The following PIK3AP1 variants were observed in gnomAD, a reference collection of about 807,000 sequenced individuals.
PIK3AP1 encodes the protein phosphoinositide 3-kinase adapter protein 1.
Under a neutral mutation model 88.1 loss-of-function variants are expected in PIK3AP1, and 21 were observed. The ratio of observed to expected loss-of-function variants is 0.24; its 90% CI spans 0.17 to 0.34. PIK3AP1 has a LOEUF of 0.34. Ranked by LOEUF, PIK3AP1 falls within the 10% of genes least tolerant of loss-of-function variation. The probability of loss-of-function intolerance (pLI) is 1.00; values close to 1 mark genes in which losing one functional copy is unlikely to be tolerated. For missense variants in PIK3AP1, 828 were observed against 1,035.7 expected, an observed-to-expected ratio of 0.80 and a Z score of 2.75; for synonymous variants, 398 against 400.0, an observed-to-expected ratio of 1.00 and a Z score of 0.06.
chr10:96,700,348 A>T (rs1052464302), intron 2 of PIK3AP1, among the ~76,000 whole-genome samples: 1 of 152,106 alleles, frequency 6.6e-6, no homozygotes, highest in Non-Finnish European at 1.5e-5. Context: ...ATGGGCACAA[A>T]ATCTATTGTA....
intron 8 of PIK3AP1, among the ~76,000 whole-genome samples, chr10:96,635,267 A>G (rs1371814791): frequency 6.6e-6 from 1 of 152,232 alleles, no homozygotes; most frequent in Non-Finnish European, 1.5e-5. Context: ...ATACTGGGCC[A>G]GTGAAGGAAA....
At chr10:96,624,784 TCTC>T (rs1172549443) in intron 10 of PIK3AP1, among the ~76,000 whole-genome samples, 1 of 152,184 alleles carries the variant, frequency 6.6e-6, no homozygotes, top group Non-Finnish European at 1.5e-5. Context: ...CCTTTTGTCA[TCTC>T]CTGCCTCTCT....
At chr10:96,692,588 G>A (rs968192542) in intron 2 of PIK3AP1, among the ~76,000 whole-genome samples, 1 of 151,240 alleles carries the variant, frequency 6.6e-6, no homozygotes, top group Admixed American at 6.6e-5. Flanking sequence ...AAAAAAGAAA[G>A]AAAGAAAGAA....
intron 1 of PIK3AP1, among the ~76,000 whole-genome samples, chr10:96,712,475 A>G (rs1454501146): frequency 1.3e-5 from 2 of 152,216 alleles, no homozygotes; most frequent in Non-Finnish European, 2.9e-5. Context: ...ATAAATAAAT[A>G]AAAATCTTTG....
chr10:96,617,153 G>C (rs958975998), intron 12 of PIK3AP1, among the ~76,000 whole-genome samples: 1 of 152,144 alleles, frequency 6.6e-6, no homozygotes, highest in Non-Finnish European at 1.5e-5. Flanking sequence ...TCCAGCACTT[G>C]GGCTATGCTG....
At position 96,709,892 on chromosome 10, in the gene PIK3AP1, C is replaced by A; in HGVS notation, c.105G>T (p.Arg35=). 3 of 1,613,650 alleles carry A rather than the reference C, an allele frequency of 1.9e-6. No individual in the cohort carries two copies. Among genetic ancestry groups the A allele is most frequent in the Non-Finnish European group, 2.5e-6 (3 of 1,179,950 alleles). ...TCAGTATCTTCTGGCTGCGGACCTG[C>A]CGACTGGACAGGAACAGGGTCTGCA... ...QYLQTLFLSS[R]QVRSQKILTH... Residue 35 remains arginine, a synonymous_variant, in exon 2 of 17, where the codon CGG becomes CGT. Coordinates refer to ENST00000339364, the MANE Select transcript of PIK3AP1 (RefSeq NM_152309.3).
chr10:96,669,143 A>AAAATT (rs1843806870), intron 2 of PIK3AP1, among the ~76,000 whole-genome samples: 1 of 151,920 alleles, frequency 6.6e-6, no homozygotes, highest in African/African-American at 2.4e-5. Flanking sequence ...AAAATAAAAT[A>AAAATT]AAATTTAACC....
At chr10:96,605,101 G>A (rs989096599) in intron 14 of PIK3AP1, among the ~76,000 whole-genome samples, 6 of 152,102 alleles carry the variant, frequency 3.9e-5, no homozygotes, top group African/African-American at 4.8e-5. Flanking sequence ...CTCATGATCC[G>A]TCCACCTCGG....
chr10:96,611,918 C>T lies in PIK3AP1; in HGVS notation c.2015-2051G>A, dbSNP rs60905374. Among the ~76,000 whole-genome samples the T allele has an allele frequency of 6.2e-3, 945 of 152,056 alleles. 14 individuals are homozygous for T. The highest frequency in any genetic ancestry group is 0.022 in the African/African-American group (903 of 41,468). ...TTCAAAAAATCAGGTAGAACCAGTC[C>T]GAATGTTTATAAAATCCTGATATTC... On this transcript the variant is annotated intron_variant, in intron 13 of 16. Transcript: ENST00000339364.
At chr10:96,620,622 C>T (rs7910750) in intron 11 of PIK3AP1, 65 bp from the exon 12 acceptor site, 23,954 of 1,424,474 alleles carry the variant, frequency 0.017, 217 homozygotes, top group African/African-American at 0.019. Context: ...CAGAAGTGTA[C>T]GGTTAATGAG....
intron 8 of PIK3AP1, among the ~76,000 whole-genome samples, chr10:96,634,998 C>CT (rs1843294035): frequency 6.6e-6 from 1 of 152,218 alleles, no homozygotes; most frequent in African/African-American, 2.4e-5. Context: ...AGTCCTCCCA[C>CT]TGATGCCGTC....
chr10:96,672,553 T>C (rs1200839654), intron 2 of PIK3AP1, among the ~76,000 whole-genome samples: 1 of 152,326 alleles, frequency 6.6e-6, no homozygotes, highest in East Asian at 1.9e-4. Flanking sequence ...TTCAAAGTGT[T>C]CATTTCTTGT....
At chr10:96,628,918 A>ATATT (rs1346191169) in intron 8 of PIK3AP1, among the ~76,000 whole-genome samples, 5 of 122,560 alleles carry the variant, frequency 4.1e-5, no homozygotes, top group African/African-American at 1.6e-4. Context: ...GTGTATATAT[A>ATATT]TATATATATA....
chr10:96,671,719 C>G (rs1206390502), intron 2 of PIK3AP1, among the ~76,000 whole-genome samples: 1 of 152,036 alleles, frequency 6.6e-6, no homozygotes, highest in Non-Finnish European at 1.5e-5. Context: ...AGGCAGAGTC[C>G]TACAGATACT....
At chr10:96,629,909 C>CAAAAAAAAA (rs66669261) in intron 8 of PIK3AP1, among the ~76,000 whole-genome samples, 10 of 5,410 alleles carry the variant, frequency 1.8e-3, no homozygotes, top group East Asian at 4.8e-3. Flanking sequence ...CAACAACAAC[C>CAAAAAAAAA]AAAAAAAAAA....
intron 2 of PIK3AP1, among the ~76,000 whole-genome samples, chr10:96,682,282 T>C (rs1234290690): frequency 1.3e-5 from 2 of 152,114 alleles, no homozygotes; most frequent in Non-Finnish European, 2.9e-5. Flanking sequence ...TCTGCTGATT[T>C]TTTTTTTCCT....
chr10:96,684,486 T>G (rs1438657357), intron 2 of PIK3AP1, among the ~76,000 whole-genome samples: 1 of 152,202 alleles, frequency 6.6e-6, no homozygotes, highest in South Asian at 2.1e-4. Flanking sequence ...AAGTCTGATC[T>G]GGGAGCAGAC....
chr10:96,654,179 G>A (rs1564972104), intron 3 of PIK3AP1, among the ~76,000 whole-genome samples: 1 of 152,148 alleles, frequency 6.6e-6, no homozygotes, highest in Non-Finnish European at 1.5e-5. Context: ...AAACCATCGA[G>A]CGCCTCGAAT....
At chr10:96,669,001 A>AGG (rs1843804286) in intron 2 of PIK3AP1, among the ~76,000 whole-genome samples, 1 of 152,116 alleles carries the variant, frequency 6.6e-6, no homozygotes, top group Non-Finnish European at 1.5e-5. Context: ...GCGTGGTGGC[A>AGG]CACGCCTGTA....
Sources: gnomAD v4.1 joint callset for allele counts (sites outside exome capture counted in the v4.1 genomes callset) on GRCh38, gnomAD v4.1.1 for gene constraint, MANE v1.5 for transcripts, NCBI Gene and HGNC (gene_info 2026-07-23, HGNC 2026-07-21) for gene names.